Variants in MAN1A2 observed in about 807,000 individuals in gnomAD.
MAN1A2 encodes mannosyl-oligosaccharide 1,2-alpha-mannosidase IB.
A neutral mutation model predicts 75.7 loss-of-function variants in MAN1A2; 26 were observed. The ratio of observed to expected loss-of-function variants is 0.34; its 90% CI spans 0.25 to 0.48. The LOEUF is 0.48. Among genes scored for constraint, MAN1A2 ranks in the 20% least tolerant of loss-of-function variants. MAN1A2 has a pLI of 0.99. For synonymous variants in MAN1A2, 247 were observed against 264.6 expected (o/e 0.93, Z 0.65); for missense variants, 562 against 775.5 (o/e 0.72, Z 3.27).
chr1:117,416,904 A>G (rs1648011024), intron 4 of MAN1A2, among the ~76,000 whole-genome samples: 1 of 152,110 alleles, frequency 6.6e-6, no homozygotes, highest in African/African-American at 2.4e-5. Context: ...CATGAGGCTG[A>G]TTTGGGGATT....
intron 6 of MAN1A2, among the ~76,000 whole-genome samples, chr1:117,446,784 A>G (rs1484629323): frequency 6.6e-6 from 1 of 152,126 alleles, no homozygotes; most frequent in African/African-American, 2.4e-5. Flanking sequence ...AGTTAGGTTA[A>G]GGTGGTTAAT....
intron 2 of MAN1A2, among the ~76,000 whole-genome samples, chr1:117,403,149 G>A (rs1570714956): frequency 6.6e-6 from 1 of 152,108 alleles, no homozygotes; most frequent in South Asian, 2.1e-4. Context: ...TTTTATCAGA[G>A]TGTAATTGTA....
chr1:117,398,281 G>A (rs1647286893), intron 1 of MAN1A2, among the ~76,000 whole-genome samples: 1 of 152,174 alleles, frequency 6.6e-6, no homozygotes. Context: ...TGATTGATCA[G>A]TGACTTGAAG....
At chr1:117,415,761 G>T (rs1647970526) in intron 4 of MAN1A2, among the ~76,000 whole-genome samples, 1 of 151,956 alleles carries the variant, frequency 6.6e-6, no homozygotes, top group Admixed American at 6.6e-5. Flanking sequence ...TTGTCTTGTT[G>T]TTCTGTTGGC....
rs1339657740 is a variant in MAN1A2 at position 117,526,874 on chromosome 1, C to CTATATATA, written c.*3918_*3919insATATATAT. The CTATATATA allele has an allele frequency of 4.1e-5, 3 of 73,970 alleles. No individual in the cohort carries two copies. The highest frequency in any genetic ancestry group is 1.5e-4 in the Admixed American group (1 of 6,632). 4.6% of individuals were successfully genotyped at this position (73,970 alleles called of 1,614,324 possible). ...TCTCTCTCTCTCTCTCTCTCTCTCT[C>CTATATATA]TCTCTCTATATATATATATATATAT... On this transcript the variant is annotated 3_prime_UTR_variant, in exon 13 of 13. Coordinates refer to ENST00000356554, the MANE Select transcript of MAN1A2 (RefSeq NM_006699.5).
intron 5 of MAN1A2, among the ~76,000 whole-genome samples, chr1:117,426,621 G>C (rs1648382517): frequency 6.6e-6 from 1 of 152,150 alleles, no homozygotes; most frequent in Admixed American, 6.5e-5. Flanking sequence ...CCAGTTTATA[G>C]TAAAGTGTTG....
chr1:117,461,719 A>T (rs539381561), intron 7 of MAN1A2, among the ~76,000 whole-genome samples: 1 of 152,160 alleles, frequency 6.6e-6, no homozygotes, highest in Non-Finnish European at 1.5e-5. Flanking sequence ...ATTAAATGAT[A>T]TTGAAGAGGA....
At chr1:117,393,560 G>A (rs1262043034) in intron 1 of MAN1A2, among the ~76,000 whole-genome samples, 1 of 151,750 alleles carries the variant, frequency 6.6e-6, no homozygotes, top group Non-Finnish European at 1.5e-5. Flanking sequence ...TGTTTGAGAA[G>A]GCTATTTAAT....
chr1:117,414,544 C>G (rs1007594300), intron 3 of MAN1A2, among the ~76,000 whole-genome samples, 169 bp from the exon 4 acceptor site: 1 of 151,430 alleles, frequency 6.6e-6, no homozygotes, highest in Non-Finnish European at 1.5e-5. Flanking sequence ...TAAAAGGGAA[C>G]AATATTGGGT....
intron 6 of MAN1A2, among the ~76,000 whole-genome samples, chr1:117,446,805 T>A (rs1357422678): frequency 6.6e-6 from 1 of 152,120 alleles, no homozygotes; most frequent in Non-Finnish European, 1.5e-5. Flanking sequence ...GGTGTTTAGA[T>A]CATGTATATC....
In MAN1A2 at chr1:117,414,822, T is replaced by C. The variant is rs1557940290; in HGVS notation, c.765T>C (p.Asp255=). 1.9e-6 allele frequency: 3 copies of C among 1,579,836 alleles called. No individual in the cohort carries two copies. Among genetic ancestry groups the C allele is most frequent in the Non-Finnish European group, 2.6e-6 (3 of 1,149,508 alleles). ...DGQRWIEDNL[D]FSVNSEVSVF... is the part of the protein sequence containing the mutation. The stretch of plus-strand genomic sequence containing the variant: ...AAAGATGGATTGAAGACAACCTTGA[T>C]TTCAGTGTGGTGAGTGTATGATTGA... The change falls in exon 4 of 13, where the codon GAT becomes GAC. Residue 255 remains aspartate, a synonymous_variant. Transcript: ENST00000356554.
intron 3 of MAN1A2, among the ~76,000 whole-genome samples, chr1:117,413,847 A>AT (rs896122261): frequency 7.9e-5 from 12 of 151,816 alleles, no homozygotes; most frequent in African/African-American, 2.9e-4. Flanking sequence ...CCTGATATTT[A>AT]TTTTTTTGCT....
chr1:117,485,457 G>T (rs1393676321), intron 8 of MAN1A2, among the ~76,000 whole-genome samples: 1 of 151,848 alleles, frequency 6.6e-6, no homozygotes, highest in Non-Finnish European at 1.5e-5. Context: ...TGAAGGCAAG[G>T]GGGAGGTAAT....
At position 117,522,923 on chromosome 1, in the gene MAN1A2, A is replaced by G. The variant is rs1373912897; in HGVS notation, c.1892A>G (p.Asn631Ser). Residue 631 changes from asparagine (N) to serine (S), a missense_variant, in exon 13 of 13, where the codon AAC (asparagine) becomes AGC (serine). By Grantham distance (46) the Asn-to-Ser change is conservative. Transcript: ENST00000356554. ...CCTCTGCCTGTGTTACATTTAGCCA[A>G]CACCACACTTTCAGGTAATCCTGCT... ...AHPLPVLHLA[N>S]TTLSGNPAVR 6.2e-7 allele frequency: 1 copy of G among 1,611,760 alleles called. No individual in the cohort carries two copies. The highest frequency in any genetic ancestry group is 8.5e-7 in the Non-Finnish European group (1 of 1,178,534).
intron 5 of MAN1A2, among the ~76,000 whole-genome samples, chr1:117,431,164 G>C (rs1409627691): frequency 7.5e-5 from 9 of 120,176 alleles, no homozygotes; most frequent in African/African-American, 2.5e-4. Flanking sequence ...GTCCAGCTTC[G>C]GCTCCGCATG....
At position 117,442,339 on chromosome 1, in the gene MAN1A2, G is replaced by T; in HGVS notation, c.950+14G>T. ...GAATTTGAAAAGGTAACTCTATGTG[G>T]GTATTCTTATTCTGGAAGAATTATT... On this transcript the variant is annotated intron_variant, in intron 6 of 12. Coordinates refer to ENST00000356554, the MANE Select transcript of MAN1A2 (RefSeq NM_006699.5). 7 of 1,511,230 alleles carry T rather than the reference G, an allele frequency of 4.6e-6. No homozygotes were observed. The highest frequency in any genetic ancestry group is 1.1e-5 in the South Asian group (1 of 88,040). 93.6% of individuals were successfully genotyped at this position (1,511,230 alleles called of 1,614,324 possible). A position where few individuals can be genotyped will look rare whatever the true frequency, so the allele number is the denominator to read the frequency against.
Position 117,513,069 on chromosome 1 carries a change from A to T in MAN1A2, c.1794-9756A>T, listed in dbSNP as rs181727527. Among the ~76,000 whole-genome samples the T allele has an allele frequency of 1.2e-4, 18 of 152,256 alleles. No homozygotes were observed. In the East Asian group the frequency reaches 3.1e-3, roughly 26 times the overall value. ...TTAAGCCTGGGTAAACATCAGCCTT[A>T]CTTGATGCATGGAATATTTCCATTC... is the stretch of plus-strand genomic sequence containing the variant. On this transcript the variant is annotated intron_variant, in intron 12 of 12. Coordinates refer to ENST00000356554, the MANE Select transcript of MAN1A2 (RefSeq NM_006699.5).
chr1:117,498,516 T>C (rs1353915296), intron 10 of MAN1A2, among the ~76,000 whole-genome samples: 9 of 152,024 alleles, frequency 5.9e-5, no homozygotes, highest in African/African-American at 2.2e-4. Flanking sequence ...CTTTCAGAAA[T>C]TCATAGTGTA....
Position 117,393,490 on chromosome 1 carries a change from G to T in MAN1A2, c.303-8696G>T, listed in dbSNP as rs1475287662. Among the ~76,000 whole-genome samples the T allele has an allele frequency of 1.2e-3, 178 of 146,656 alleles. 3 individuals are homozygous for T. Among genetic ancestry groups the T allele is most frequent in the South Asian group, 1.5e-3 (7 of 4,648 alleles). ...CTGCTTCAACTATTTTTTTTTTTGT[G>T]TGTGTGTGTGTTTTCCTGGATTCTC... On this transcript the variant is annotated intron_variant, in intron 1 of 12. Coordinates refer to ENST00000356554, the MANE Select transcript of MAN1A2 (RefSeq NM_006699.5).
Sources: gnomAD v4.1 joint callset for allele counts (sites outside exome capture counted in the v4.1 genomes callset) on GRCh38, gnomAD v4.1.1 for gene constraint, MANE v1.5 for transcripts, NCBI Gene and HGNC (gene_info 2026-07-23, HGNC 2026-07-21) for gene names.